Variants in PYROXD2 observed in about 807,000 individuals in gnomAD.
PYROXD2 encodes pyridine nucleotide-disulfide oxidoreductase domain-containing protein 2.
In PYROXD2, 69 loss-of-function variants were observed where a neutral mutation model predicts 71.1. That is an observed-to-expected ratio of 0.97 (90% CI 0.80 to 1.19). The LOEUF is 1.19. Ranked by LOEUF, PYROXD2 falls within the 50% of genes most tolerant of loss-of-function variation. PYROXD2 has a pLI of 0.00. For missense variants in PYROXD2, 745 were observed against 748.9 expected (o/e 0.99, Z 0.06); for synonymous variants, 287 against 302.7 (o/e 0.95, Z 0.54).
Position 98,391,033 on chromosome 10 carries a change from C to A in PYROXD2, c.1112G>T (p.Arg371Leu). Residue 371 changes from arginine (R) to leucine (L), a missense_variant, in exon 11 of 16, where the codon CGG (arginine) becomes CTG (leucine). Physicochemically the swap from Arg to Leu is moderately radical, Grantham distance 102. Transcript: ENST00000370575. ...ACCATTGATCTTGGTGACAGGCGAC[C>A]GGGTGTCCAGCTGAGAGATTCTCTC... ...FLERISQLDT[R>L]SPVTKINVAV... 6.2e-7 allele frequency: 1 copy of A among 1,613,196 alleles called. No homozygotes were observed. The highest frequency in any genetic ancestry group is 8.5e-7 in the Non-Finnish European group (1 of 1,179,318).
rs767073777 is a variant in PYROXD2, at chr10:98,390,698, G to A, written c.1192C>T (p.Pro398Ser). 2 of 1,612,238 alleles carry A rather than the reference G, an allele frequency of 1.2e-6. No individual in the cohort carries two copies. Among genetic ancestry groups the A allele is most frequent in the Non-Finnish European group, 8.5e-7 (1 of 1,178,986 alleles). ...ATGGAGCATTGGTGATGGGGCAGCGGCTGGCCCCTGGGAGCATTGGGGGCC... is the reference window on the plus strand; with the variant it reads ...ATGGAGCATTGGTGATGGGGCAGCGACTGGCCCCTGGGAGCATTGGGGGCC... The part of the protein sequence containing the change: ...LAAPNAPRGQ[P>S]LPHHQCSIHL... The change falls in exon 12 of 16, where the codon CCG (proline) becomes TCG (serine). Residue 398 changes from proline (P) to serine (S), a missense_variant. By Grantham distance (74) the Pro-to-Ser change is moderately conservative. Coordinates refer to ENST00000370575, the MANE Select transcript of PYROXD2 (RefSeq NM_032709.3).
At chr10:98,397,229 C>T (rs1299281354) in intron 6 of PYROXD2, 116 bp downstream of exon 6, 3 of 1,387,440 alleles carry the variant, frequency 2.2e-6, no homozygotes, top group East Asian at 2.5e-5. Context: ...AGCATGTTAA[C>T]TGATCCCAGC....
rs765117030 is a variant in PYROXD2 at position 98,395,270 on chromosome 10, A to G, written c.711T>C (p.Ser237=). The G allele has an allele frequency of 1.9e-6, 3 of 1,614,074 alleles. No individual in the cohort carries two copies. The African/African-American group carries it at 4.0e-5, about 22-fold the overall frequency. The part of the protein sequence containing the change: ...ITKVLDQWFE[S]EPLKATLATD... ...TGGCTAGAGTGGCTTTTAAAGGCTC[A>G]GACTCGAACCACTGATCCAGCACCT... The change falls in exon 8 of 16, where the codon TCT becomes TCC. Residue 237 remains serine, a synonymous_variant. Coordinates refer to ENST00000370575, the MANE Select transcript of PYROXD2 (RefSeq NM_032709.3).
At chr10:98,392,819 C>T in intron 9 of PYROXD2, 123 bp downstream of exon 9, 3 of 1,238,676 alleles carry the variant, frequency 2.4e-6, no homozygotes, top group Non-Finnish European at 3.5e-6. Flanking sequence ...TCTCTTGATT[C>T]TGCAACCCAT....
At position 98,388,402 on chromosome 10, in the gene PYROXD2, C is replaced by G; in HGVS notation, c.1399G>C (p.Gly467Arg). The change falls in exon 13 of 16, where the codon GGA becomes CGA. Residue 467 changes from glycine to arginine, a missense_variant. Gly to Arg is a moderately radical substitution (Grantham distance 125, BLOSUM62 -2). Coordinates refer to ENST00000370575, the MANE Select transcript of PYROXD2 (RefSeq NM_032709.3). ...TCCTGCTCGTCCCAGGCCTTGCCTC[C>G]AGCCAGCGTATAGGGCATGTACTGA... Reference protein sequence around the residue: ...FTQYMPYTLAGGKAWDEQERD... With the variant: ...FTQYMPYTLARGKAWDEQERD... 6.2e-7 allele frequency: 1 copy of G among 1,613,724 alleles called. No homozygotes were observed. The highest frequency in any genetic ancestry group is 8.5e-7 in the Non-Finnish European group (1 of 1,179,916).
intron 13 of PYROXD2, among the ~76,000 whole-genome samples, chr10:98,387,681 G>C (rs1842803334): frequency 1.4e-5 from 2 of 142,416 alleles, no homozygotes; most frequent in Admixed American, 1.5e-4. Flanking sequence ...CACCCAGGCT[G>C]GAGTGCAGTG....
intron 4 of PYROXD2, among the ~76,000 whole-genome samples, chr10:98,400,796 C>A (rs1269134345): frequency 6.6e-6 from 1 of 152,220 alleles, no homozygotes; most frequent in Non-Finnish European, 1.5e-5. Flanking sequence ...CATTGCTAGA[C>A]AATTTCATCA....
At chr10:98,394,862 C>T (rs367816536) in intron 8 of PYROXD2, among the ~76,000 whole-genome samples, 2 of 151,796 alleles carry the variant, frequency 1.3e-5, no homozygotes, top group African/African-American at 4.8e-5. Flanking sequence ...AGCTATCAAG[C>T]GGGAGGTGGG....
chr10:98,393,195 C>G (rs1308921061), intron 8 of PYROXD2, 112 bp from the exon 9 acceptor site: 8 of 829,708 alleles, frequency 9.6e-6, no homozygotes, highest in Non-Finnish European at 1.8e-6. Context: ...TGCCACCATC[C>G]AGCCCTCTCC....
rs767715182 is a variant in PYROXD2 at position 98,388,452 on chromosome 10, C to T, written c.1349G>A (p.Gly450Asp). Residue 450 changes from glycine to aspartate, a missense_variant, in exon 13 of 16, where the codon GGC becomes GAC. Physicochemically the swap from Gly to Asp is moderately conservative, Grantham distance 94. Transcript: ENST00000370575. ...SSLDPTLAPPGCHVVSLFTQY... is the reference protein window; with the variant it reads ...SSLDPTLAPPDCHVVSLFTQY... ...AGTGAAGAGGGAGACTACATGGCAG[C>T]CAGGGGGAGCCAGGGTGGGGTCCAG... The T allele has an allele frequency of 6.2e-6, 10 of 1,612,614 alleles. No individual in the cohort carries two copies. The highest frequency in any genetic ancestry group is 8.5e-6 in the Non-Finnish European group (10 of 1,179,584).
chr10:98,389,637 T>C (rs1029094595), intron 12 of PYROXD2, among the ~76,000 whole-genome samples: 3 of 152,200 alleles, frequency 2.0e-5, no homozygotes, highest in African/African-American at 7.2e-5. Context: ...ACCTTCCCTC[T>C]GTCTGGACGT....
At chr10:98,401,110 G>T (rs1049182011) in intron 4 of PYROXD2, among the ~76,000 whole-genome samples, 3 of 151,864 alleles carry the variant, frequency 2.0e-5, no homozygotes, top group Non-Finnish European at 4.4e-5. Context: ...AAAATTAGCC[G>T]GGCATGGTGG....
At chr10:98,412,148 GTCTT>G (rs1843808444) in intron 1 of PYROXD2, among the ~76,000 whole-genome samples, 1 of 152,220 alleles carries the variant, frequency 6.6e-6, no homozygotes, top group South Asian at 2.1e-4. Flanking sequence ...GGAGCTATTT[GTCTT>G]TTAATTGGTG....
chr10:98,383,801 C>T lies in PYROXD2; in HGVS notation c.1743G>A (p.Met581Ile), dbSNP rs779832931. Residue 581 changes from methionine to isoleucine, a missense_variant, in exon 16 of 16, where the codon ATG becomes ATA. Physicochemically the swap from Met to Ile is conservative, Grantham distance 10. Transcript: ENST00000370575. ...AHVAFRDLKSM is the reference protein window; with the variant it reads ...AHVAFRDLKSI ...CTGGGTCAGAGCTGGTTCAGGGTCA[C>T]ATGCTCTTGAGGTCCCTAAAGGCCA... 6.2e-7 allele frequency: 1 copy of T among 1,614,040 alleles called. No individual in the cohort carries two copies. The highest frequency in any genetic ancestry group is 8.5e-7 in the Non-Finnish European group (1 of 1,179,918).
Position 98,383,978 on chromosome 10 carries a change from A to C in PYROXD2, c.1676-110T>G. The C allele has an allele frequency of 4.2e-6, 4 of 960,176 alleles. No homozygotes were observed. The South Asian group carries it at 5.2e-5, about 13-fold the overall frequency. The allele number at this position is 960,176 out of a possible 1,614,324, so 59.5% of individuals were successfully genotyped here. Reference sequence around the variant, plus strand: ...AACAAAGCAGAGTGGGGCTGGTTAGAGGGGTCCGGGGGCATGGGCACTGGA... The same window carrying C: ...AACAAAGCAGAGTGGGGCTGGTTAGCGGGGTCCGGGGGCATGGGCACTGGA... On this transcript the variant is annotated intron_variant, in intron 15 of 15. Coordinates refer to ENST00000370575, the MANE Select transcript of PYROXD2 (RefSeq NM_032709.3).
chr10:98,384,355 G>A (rs1732263054), intron 15 of PYROXD2, among the ~76,000 whole-genome samples: 2 of 152,164 alleles, frequency 1.3e-5, no homozygotes, highest in South Asian at 2.1e-4. Context: ...TATGGATGGA[G>A]GCCTCTAATC....
rs553502338 is a variant in PYROXD2, at chr10:98,408,647, C to T, written c.148-650G>A. Among the ~76,000 whole-genome samples the T allele has an allele frequency of 2.2e-4, 33 of 152,248 alleles. 2 individuals carry two copies. In the South Asian group the frequency reaches 6.0e-3, roughly 28 times the overall value. On this transcript the variant is annotated intron_variant, in intron 2 of 15. Coordinates refer to ENST00000370575, the MANE Select transcript of PYROXD2 (RefSeq NM_032709.3). ...ATAGCAGAGCTTTATTTTGGGAGAACAAATGATGCAAGGATTTCTATTAAT... is the reference window on the plus strand; with the variant it reads ...ATAGCAGAGCTTTATTTTGGGAGAATAAATGATGCAAGGATTTCTATTAAT...
At position 98,390,590 on chromosome 10, in the gene PYROXD2, G is replaced by T. The variant is rs1288519883; in HGVS notation, c.1292+8C>A. On this transcript the variant is annotated splice_region_variant and intron_variant, in intron 12 of 15. Coordinates refer to ENST00000370575, the MANE Select transcript of PYROXD2 (RefSeq NM_032709.3). ...AACATCAGGGAACATAAAGTCCAGG[G>T]CCCCTACCTGTGGGAAGGCAGGCCA... is the stretch of plus-strand genomic sequence containing the variant. 1.3e-5 allele frequency: 21 copies of T among 1,580,142 alleles called. No individual in the cohort carries two copies. Among genetic ancestry groups the T allele is most frequent in the Non-Finnish European group, 1.4e-5 (16 of 1,163,072 alleles).
At chr10:98,403,063 G>C (rs775657807) in intron 4 of PYROXD2, among the ~76,000 whole-genome samples, 2 of 152,124 alleles carry the variant, frequency 1.3e-5, no homozygotes, top group Non-Finnish European at 2.9e-5. Context: ...CCACACTGGA[G>C]ATGCTCCAGG....
Sources: allele counts gnomAD v4.1 joint callset (sites outside exome capture counted in the v4.1 genomes callset), GRCh38; gene constraint gnomAD v4.1.1; transcripts MANE v1.5; gene names NCBI Gene and HGNC (gene_info 2026-07-23, HGNC 2026-07-21).